The following CCSER1 variants were observed in gnomAD, a reference collection of about 807,000 sequenced individuals.
The protein encoded by CCSER1 is serine-rich coiled-coil domain-containing protein 1.
A neutral mutation model predicts 82.0 loss-of-function variants in CCSER1; 41 were observed. The ratio of observed to expected loss-of-function variants is 0.50; its 90% CI spans 0.39 to 0.65. CCSER1 has a LOEUF of 0.65. Among genes scored for constraint, CCSER1 ranks in the 30% least tolerant of loss-of-function variants. The pLI is 0.00. For synonymous variants in CCSER1, 414 were observed against 383.9 expected, an observed-to-expected ratio of 1.08 and a Z score of -0.92; for missense variants, 1,119 against 1,064.2, an observed-to-expected ratio of 1.05 and a Z score of -0.72.
intron 10 of CCSER1, among the ~76,000 whole-genome samples, chr4:91,556,210 A>G (rs940081780): frequency 6.6e-6 from 1 of 151,254 alleles, no homozygotes. Flanking sequence ...CTAATTTGGG[A>G]CAGCTCATTG....
intron 10 of CCSER1, among the ~76,000 whole-genome samples, chr4:91,412,049 G>A (rs184696971): frequency 6.6e-6 from 1 of 152,166 alleles, no homozygotes; most frequent in Admixed American, 6.6e-5. Flanking sequence ...GCAGCCATCT[G>A]TAGGAAAAGA....
chr4:90,343,321 T>C (rs571585689), intron 3 of CCSER1, among the ~76,000 whole-genome samples: 1 of 152,328 alleles, frequency 6.6e-6, no homozygotes, highest in African/African-American at 2.4e-5. Context: ...GGCCCATTAT[T>C]TATCACCTAG....
chr4:91,063,195 G>T (rs781747889), intron 9 of CCSER1, among the ~76,000 whole-genome samples: 2 of 152,050 alleles, frequency 1.3e-5, no homozygotes, highest in East Asian at 3.8e-4. Context: ...CTTAAACAGT[G>T]CCCCTCTACT....
chr4:91,283,991 T>C (rs113091769), intron 10 of CCSER1, among the ~76,000 whole-genome samples: 8 of 152,246 alleles, frequency 5.3e-5, no homozygotes, highest in African/African-American at 1.2e-4. Context: ...AATATGTTTG[T>C]AGTAAATGGT....
chr4:91,464,267 AAGG>A (rs1756715145), intron 10 of CCSER1, among the ~76,000 whole-genome samples: 1 of 152,178 alleles, frequency 6.6e-6, no homozygotes, highest in Non-Finnish European at 1.5e-5. Flanking sequence ...TTCATAAGTG[AAGG>A]AGAAGTAAAA....
At chr4:90,306,246 C>T (rs1049541536) in intron 1 of CCSER1, among the ~76,000 whole-genome samples, 1 of 152,044 alleles carries the variant, frequency 6.6e-6, no homozygotes, top group Non-Finnish European at 1.5e-5. Context: ...TTCAGTTAGA[C>T]AGGAGAAATA....
At chr4:90,137,574 C>T (rs1038732796) in intron 1 of CCSER1, among the ~76,000 whole-genome samples, 3 of 152,082 alleles carry the variant, frequency 2.0e-5, no homozygotes, top group African/African-American at 7.2e-5. Context: ...TACCCAGCCT[C>T]AGAGGCCTGG....
At chr4:90,790,904 G>A (rs1186144232) in intron 7 of CCSER1, among the ~76,000 whole-genome samples, 1 of 152,006 alleles carries the variant, frequency 6.6e-6, no homozygotes, top group Non-Finnish European at 1.5e-5. Flanking sequence ...ACATTTTCAG[G>A]TATCTTAATA....
intron 1 of CCSER1, among the ~76,000 whole-genome samples, chr4:90,236,785 G>A (rs1578676808): frequency 6.6e-6 from 1 of 151,992 alleles, no homozygotes; most frequent in East Asian, 1.9e-4. Flanking sequence ...AAATTTGCGG[G>A]AATTTTGGGA....
intron 10 of CCSER1, among the ~76,000 whole-genome samples, chr4:91,373,828 A>C (rs181901768): frequency 6.6e-6 from 1 of 152,332 alleles, no homozygotes; most frequent in Admixed American, 6.5e-5. Context: ...GAATCAAAGG[A>C]AACGTTCTTA....
At chr4:90,535,931 T>G (rs1775264604) in intron 5 of CCSER1, among the ~76,000 whole-genome samples, 1 of 152,132 alleles carries the variant, frequency 6.6e-6, no homozygotes. Flanking sequence ...TGTAGTTAAA[T>G]GACTTGAGTA....
At chr4:90,858,496 A>T (rs1764710071) in intron 8 of CCSER1, among the ~76,000 whole-genome samples, 1 of 151,980 alleles carries the variant, frequency 6.6e-6, no homozygotes. Context: ...TGTTTTCTTC[A>T]AAGTTCAAAT....
chr4:90,515,145 C>T (rs999021750), intron 5 of CCSER1, among the ~76,000 whole-genome samples: 12 of 152,050 alleles, frequency 7.9e-5, no homozygotes, highest in Non-Finnish European at 1.5e-4. Context: ...CCTGAGCCAC[C>T]GCAACCGGCC....
At chr4:91,347,074 G>A (rs757070254) in intron 10 of CCSER1, among the ~76,000 whole-genome samples, 33 of 151,960 alleles carry the variant, frequency 2.2e-4, no homozygotes, top group Non-Finnish European at 4.6e-4. Context: ...CAAACTCAAG[G>A]TCACCAAGAT....
chr4:90,194,270 A>G (rs934858336), intron 1 of CCSER1, among the ~76,000 whole-genome samples: 2 of 152,066 alleles, frequency 1.3e-5, no homozygotes, highest in African/African-American at 4.8e-5. Flanking sequence ...TAGGCATACT[A>G]TTGTCTATGC....
At chr4:91,051,678 AG>A (rs1164413531) in intron 9 of CCSER1, among the ~76,000 whole-genome samples, 2 of 152,166 alleles carry the variant, frequency 1.3e-5, no homozygotes, top group African/African-American at 4.8e-5. Flanking sequence ...AAAGGAAGGA[AG>A]CAGGCACACA....
chr4:91,297,632 T>C (rs1744318601), intron 10 of CCSER1, among the ~76,000 whole-genome samples: 1 of 151,754 alleles, frequency 6.6e-6, no homozygotes, highest in Non-Finnish European at 1.5e-5. Flanking sequence ...AAGGGAAAAG[T>C]TCAAGGTTAG....
Position 91,601,595 on chromosome 4 carries a change from C to A in CCSER1, c.*2538C>A, listed in dbSNP as rs1764818583. ...TCTTTGTACTAAAATCTCTAGTTTT[C>A]TAAGACAGTTCCATGTATAAAAATG... is the stretch of plus-strand genomic sequence containing the variant. On this transcript the variant is annotated 3_prime_UTR_variant, in exon 11 of 11. Coordinates refer to ENST00000509176, the MANE Select transcript of CCSER1 (RefSeq NM_001145065.2). 6.6e-6 allele frequency: 1 copy of A among 151,970 alleles called. No individual in the cohort carries two copies. Among genetic ancestry groups the A allele is most frequent in the Non-Finnish European group, 1.5e-5 (1 of 67,906 alleles). 9.4% of individuals were successfully genotyped at this position (151,970 alleles called of 1,614,324 possible).
chr4:90,557,253 G>A (rs1335210877), intron 5 of CCSER1, among the ~76,000 whole-genome samples: 1 of 151,926 alleles, frequency 6.6e-6, no homozygotes, highest in Non-Finnish European at 1.5e-5. Flanking sequence ...ATCATTATTT[G>A]TGCATAGTTG....
Sources: allele counts gnomAD v4.1 joint callset (sites outside exome capture counted in the v4.1 genomes callset), GRCh38; gene constraint gnomAD v4.1.1; transcripts MANE v1.5; gene names NCBI Gene and HGNC (gene_info 2026-07-23, HGNC 2026-07-21).